Variants in PDE7B observed in about 807,000 individuals in gnomAD.
The protein encoded by PDE7B is phosphodiesterase 7B, also known as 3',5'-cyclic-AMP phosphodiesterase 7B.
A neutral mutation model predicts 56.2 loss-of-function variants in PDE7B; 29 were observed. The ratio of observed to expected loss-of-function variants is 0.52; its 90% CI spans 0.38 to 0.70. The LOEUF (loss-of-function observed/expected upper bound fraction) is 0.70, where lower values mean the gene tolerates loss of function less well. Among genes scored for constraint, PDE7B ranks in the 30% least tolerant of loss-of-function variants. PDE7B has a pLI of 0.00. For synonymous variants in PDE7B, 197 were observed against 196.9 expected, an observed-to-expected ratio of 1.00 and a Z score of 0.00; for missense variants, 490 against 565.0, an observed-to-expected ratio of 0.87 and a Z score of 1.35.
At chr6:135,990,100 T>C (rs1046284266) in intron 2 of PDE7B, among the ~76,000 whole-genome samples, 5 of 148,274 alleles carry the variant, frequency 3.4e-5, no homozygotes, top group African/African-American at 1.2e-4. Context: ...GTTTTTTTGT[T>C]TTTTTTTTTT....
At chr6:135,877,799 G>C (rs1775528481) in intron 1 of PDE7B, among the ~76,000 whole-genome samples, 1 of 150,746 alleles carries the variant, frequency 6.6e-6, no homozygotes, top group Admixed American at 6.6e-5. Flanking sequence ...GAAATCAATA[G>C]ACTGTTTTTA....
At chr6:135,959,076 T>G (rs147715246) in intron 2 of PDE7B, among the ~76,000 whole-genome samples, 2,663 of 152,272 alleles carry the variant, frequency 0.017, 87 homozygotes, top group African/African-American at 0.059. Context: ...CATGAAATCT[T>G]GTACATTGCC....
At chr6:136,126,293 A>T (rs1460030492) in intron 3 of PDE7B, among the ~76,000 whole-genome samples, 4 of 152,130 alleles carry the variant, frequency 2.6e-5, no homozygotes, top group African/African-American at 9.7e-5. Context: ...CCCCCCAAAA[A>T]CAACATTCTT....
In PDE7B at chr6:136,191,600, C is replaced by A; in HGVS notation, c.1127-14C>A. ...ACCACGCTGTGATGCTGAGCCTTGACTTGCCTGTTCTAGGTTTCATGAGCT... is the reference window on the plus strand; with the variant it reads ...ACCACGCTGTGATGCTGAGCCTTGAATTGCCTGTTCTAGGTTTCATGAGCT... On this transcript the variant is annotated splice_polypyrimidine_tract_variant and intron_variant, in intron 12 of 12. Coordinates refer to ENST00000308191, the MANE Select transcript of PDE7B (RefSeq NM_018945.4). The A allele has an allele frequency of 6.2e-7, 1 of 1,609,468 alleles. No homozygotes were observed. The highest frequency in any genetic ancestry group is 8.5e-7 in the Non-Finnish European group (1 of 1,176,054).
chr6:136,004,185 T>C (rs1583822854), intron 2 of PDE7B, among the ~76,000 whole-genome samples: 1 of 152,018 alleles, frequency 6.6e-6, no homozygotes, highest in Non-Finnish European at 1.5e-5. Context: ...ATAAATTAGG[T>C]ATTGATGGGA....
chr6:136,111,548 C>T (rs1252562339), intron 3 of PDE7B, among the ~76,000 whole-genome samples: 1 of 152,182 alleles, frequency 6.6e-6, no homozygotes, highest in African/African-American at 2.4e-5. Context: ...CAGCTTGTCA[C>T]CATGGAGCAG....
intron 3 of PDE7B, among the ~76,000 whole-genome samples, chr6:136,120,577 G>A (rs1053950861): frequency 2.0e-5 from 3 of 152,166 alleles, no homozygotes; most frequent in African/African-American, 7.2e-5. Flanking sequence ...TGCAACGCAG[G>A]GGGTTTGGTA....
chr6:136,014,448 C>T (rs946290354), intron 2 of PDE7B, among the ~76,000 whole-genome samples: 2 of 152,096 alleles, frequency 1.3e-5, no homozygotes, highest in African/African-American at 4.8e-5. Flanking sequence ...AATTTATGAA[C>T]ACACTCTTAT....
At position 136,173,832 on chromosome 6, in the gene PDE7B, T is replaced by C. The variant is rs768237459; in HGVS notation, c.747T>C (p.Ser249=). 3.7e-6 allele frequency: 6 copies of C among 1,612,706 alleles called. No homozygotes were observed. The highest frequency in any genetic ancestry group is 3.3e-5 in the Admixed American group (2 of 59,934). The change falls in exon 9 of 13, where the codon TCT becomes TCC. Residue 249 remains serine, a synonymous_variant. Transcript: ENST00000308191. The stretch of plus-strand genomic sequence containing the variant: ...TGCTGGAGAATCATCACTGGCGATC[T>C]ACAATTGGCATGCTTCGAGAATCAA... ...MSVLENHHWR[S]TIGMLRESRL...
intron 3 of PDE7B, among the ~76,000 whole-genome samples, chr6:136,140,410 C>T (rs1024129568): frequency 6.6e-6 from 1 of 152,166 alleles, no homozygotes; most frequent in Non-Finnish European, 1.5e-5. Context: ...AGCATGATGC[C>T]TCCAGCTTTG....
At chr6:135,960,311 C>T (rs919604748) in intron 2 of PDE7B, among the ~76,000 whole-genome samples, 1 of 152,118 alleles carries the variant, frequency 6.6e-6, no homozygotes, top group Admixed American at 6.5e-5. Context: ...TGACTAATAA[C>T]AAAACATGTG....
At chr6:135,981,456 A>C (rs1252469391) in intron 2 of PDE7B, among the ~76,000 whole-genome samples, 1 of 151,790 alleles carries the variant, frequency 6.6e-6, no homozygotes, top group Non-Finnish European at 1.5e-5. Flanking sequence ...TAATAAAAAC[A>C]GACTATTAAA....
chr6:136,154,049 G>A lies in PDE7B; in HGVS notation c.479-26G>A, dbSNP rs867411145. The A allele has an allele frequency of 2.6e-6, 4 of 1,536,212 alleles. No individual in the cohort carries two copies. The African/African-American group carries it at 5.5e-5, about 21-fold the overall frequency. On this transcript the variant is annotated intron_variant, in intron 6 of 12. Coordinates refer to ENST00000308191, the MANE Select transcript of PDE7B (RefSeq NM_018945.4). The stretch of plus-strand genomic sequence containing the variant: ...TACCACTCCTATTTGGGTTTTAGTT[G>A]ATTGAGTTATCTGTTTACCTCCCAG...
intron 2 of PDE7B, chr6:136,037,712 G>A (rs898461347): frequency 1.8e-5 from 18 of 985,478 alleles, no homozygotes; most frequent in Non-Finnish European, 2.0e-5. Context: ...CAGCAAGGGG[G>A]GAGCCCCTCT....
intron 2 of PDE7B, among the ~76,000 whole-genome samples, chr6:135,988,876 T>C (rs1411902162): frequency 6.6e-6 from 1 of 152,168 alleles, no homozygotes; most frequent in Non-Finnish European, 1.5e-5. Flanking sequence ...TATTACCCAA[T>C]AAATAGTTGG....
intron 2 of PDE7B, among the ~76,000 whole-genome samples, chr6:135,996,878 A>T (rs1775574677): frequency 6.6e-6 from 1 of 152,174 alleles, no homozygotes; most frequent in South Asian, 2.1e-4. Flanking sequence ...AGCAATACCC[A>T]CTTAGAGCAC....
At chr6:136,189,816 G>C (rs929584064) in intron 12 of PDE7B, among the ~76,000 whole-genome samples, 1 of 151,728 alleles carries the variant, frequency 6.6e-6, no homozygotes, top group East Asian at 2.0e-4. Flanking sequence ...AGAACACACT[G>C]ATGGAACAGG....
At chr6:136,079,149 T>A (rs2128214871) in intron 2 of PDE7B, among the ~76,000 whole-genome samples, 1 of 152,256 alleles carries the variant, frequency 6.6e-6, no homozygotes, top group African/African-American at 2.4e-5. Flanking sequence ...GAGGAGTGTA[T>A]TGAATATATA....
chr6:135,966,680 C>T (rs1488842587), intron 2 of PDE7B, among the ~76,000 whole-genome samples: 2 of 152,046 alleles, frequency 1.3e-5, no homozygotes, highest in African/African-American at 4.8e-5. Context: ...ACCCAAATAC[C>T]CTCTCTTTGA....
Sources: allele counts gnomAD v4.1 joint callset (sites outside exome capture counted in the v4.1 genomes callset), GRCh38; gene constraint gnomAD v4.1.1; transcripts MANE v1.5; gene names NCBI Gene and HGNC (gene_info 2026-07-23, HGNC 2026-07-21).